Variants in LCORL observed in about 807,000 individuals in gnomAD.
The protein encoded by LCORL is ligand dependent nuclear receptor corepressor like, also known as ligand-dependent nuclear receptor corepressor-like protein.
Under a neutral mutation model 141.8 loss-of-function variants are expected in LCORL, and 41 were observed. The ratio of observed to expected loss-of-function variants is 0.29; its 90% CI spans 0.23 to 0.38. LCORL has a LOEUF of 0.38. Ranked by LOEUF, LCORL falls within the 10% of genes least tolerant of loss-of-function variation. The probability of loss-of-function intolerance (pLI) is 1.00; values close to 1 mark genes in which losing one functional copy is unlikely to be tolerated. For missense variants in LCORL, 1,759 were observed against 2,035.0 expected, an observed-to-expected ratio of 0.86 and a Z score of 2.61; for synonymous variants, 618 against 694.1, an observed-to-expected ratio of 0.89 and a Z score of 1.72.
At chr4:17,890,913 C>A (rs1409298626) in intron 5 of LCORL, among the ~76,000 whole-genome samples, 1 of 152,036 alleles carries the variant, frequency 6.6e-6, no homozygotes, top group African/African-American at 2.4e-5. Flanking sequence ...GATACAGGAT[C>A]TATTCAAAAA....
At chr4:18,005,974 G>C (rs1275317509) in intron 1 of LCORL, among the ~76,000 whole-genome samples, 1 of 152,296 alleles carries the variant, frequency 6.6e-6, no homozygotes, top group East Asian at 1.9e-4. Flanking sequence ...GTGGGCTTGA[G>C]TTTCACCTCA....
chr4:18,002,295 A>T (rs111736026), intron 1 of LCORL, among the ~76,000 whole-genome samples: 6,279 of 152,264 alleles, frequency 0.041, 187 homozygotes, highest in Non-Finnish European at 0.06. Flanking sequence ...GTAAACTGTC[A>T]GATACATCCA....
intron 4 of LCORL, among the ~76,000 whole-genome samples, chr4:17,949,118 T>A (rs557606664): frequency 6.6e-6 from 1 of 152,086 alleles, no homozygotes; most frequent in Non-Finnish European, 1.5e-5. Flanking sequence ...ATAAAAAGCA[T>A]ACACACTTCA....
intron 1 of LCORL, among the ~76,000 whole-genome samples, chr4:18,005,918 T>C (rs1454039669): frequency 2.6e-5 from 4 of 152,194 alleles, no homozygotes; most frequent in Admixed American, 6.5e-5. Flanking sequence ...CCCCACAGTC[T>C]TGGGGATTAA....
chr4:17,918,508 A>G (rs142777658), intron 4 of LCORL, among the ~76,000 whole-genome samples: 316 of 152,328 alleles, frequency 2.1e-3, no homozygotes, highest in African/African-American at 7.1e-3. Flanking sequence ...GCAATTATAT[A>G]AAGTTATAAT....
chr4:17,924,370 T>C (rs1734783780), intron 4 of LCORL, among the ~76,000 whole-genome samples: 1 of 152,054 alleles, frequency 6.6e-6, no homozygotes. Context: ...TACACATGGG[T>C]TTAGCAACAT....
chr4:17,984,562 A>G (rs2109742309), intron 1 of LCORL, among the ~76,000 whole-genome samples: 1 of 151,920 alleles, frequency 6.6e-6, no homozygotes, highest in East Asian at 1.9e-4. Context: ...ATGAATAGGG[A>G]TGTTTGTAGT....
chr4:17,943,711 T>A (rs887153818), intron 4 of LCORL, among the ~76,000 whole-genome samples: 1 of 152,190 alleles, frequency 6.6e-6, no homozygotes, highest in African/African-American at 2.4e-5. Flanking sequence ...ATGGTCTCAA[T>A]AGCCCATGTA....
chr4:17,886,664 G>A (rs184449922), intron 5 of LCORL, among the ~76,000 whole-genome samples: 27 of 152,140 alleles, frequency 1.8e-4, no homozygotes, highest in African/African-American at 5.3e-4. Context: ...AGAACTCATA[G>A]TGTAAAATTT....
In LCORL at chr4:17,868,196, C is replaced by A. The variant is rs140759373; in HGVS notation, c.5602+5192G>T. On this transcript the variant is annotated intron_variant, in intron 7 of 7. Transcript: ENST00000635767. ...TTCTGGTAGTTGAAGGAGTATATTA[C>A]TTAGTTAAAAATCAGCCATCAGTTA... 7.2e-3 allele frequency among the ~76,000 whole-genome samples: 1,096 copies of A among 152,230 alleles called. 19 individuals carry two copies. The highest frequency in any genetic ancestry group is 0.025 in the African/African-American group (1,057 of 41,554).
chr4:17,846,368 AAAC>A (rs1722936718), intron 7 of LCORL, among the ~76,000 whole-genome samples: 1 of 152,136 alleles, frequency 6.6e-6, no homozygotes, highest in Admixed American at 6.5e-5. Flanking sequence ...TCCTCATAGT[AAAC>A]AATAAAATCA....
chr4:17,997,839 G>A (rs1381186132), intron 1 of LCORL, among the ~76,000 whole-genome samples: 1 of 152,028 alleles, frequency 6.6e-6, no homozygotes, highest in Non-Finnish European at 1.5e-5. Flanking sequence ...TTTCAGAGAA[G>A]ACAAATTCAG....
intron 2 of LCORL, among the ~76,000 whole-genome samples, chr4:17,964,178 A>G (rs1297748681): frequency 6.6e-6 from 1 of 152,118 alleles, no homozygotes; most frequent in East Asian, 1.9e-4. Context: ...ATATCTACAT[A>G]AACTTGGACA....
chr4:17,858,236 T>C (rs1724585315), intron 7 of LCORL, among the ~76,000 whole-genome samples: 1 of 152,066 alleles, frequency 6.6e-6, no homozygotes. Context: ...CTAGATGGTA[T>C]TAATAGCAGA....
At chr4:17,860,337 A>G (rs1189018207) in intron 7 of LCORL, among the ~76,000 whole-genome samples, 1 of 152,198 alleles carries the variant, frequency 6.6e-6, no homozygotes, top group Admixed American at 6.5e-5. Flanking sequence ...AAGCCTCACA[A>G]TCATGGTGAA....
chr4:17,877,646 A>C (rs1220216998), exon 7 of LCORL: 1 of 1,230,362 alleles, frequency 8.1e-7, no homozygotes, highest in East Asian at 3.2e-5. Context: ...CAAATCCTTC[A>C]GTTTCTATAG....
At chr4:17,873,967 C>T (rs746853420) in exon 7 of LCORL, 156 of 1,233,968 alleles carry the variant, frequency 1.3e-4, no homozygotes, top group Non-Finnish European at 1.5e-4. Flanking sequence ...TCAGGCATTA[C>T]TACCCTCTGC....
At chr4:17,907,223 C>T (rs553602681) in intron 5 of LCORL, among the ~76,000 whole-genome samples, 1 of 152,298 alleles carries the variant, frequency 6.6e-6, no homozygotes, top group African/African-American at 2.4e-5. Context: ...AGATCACTAT[C>T]ACGTTACTTC....
chr4:17,987,545 A>G (rs1170747009), intron 1 of LCORL, among the ~76,000 whole-genome samples: 2 of 152,204 alleles, frequency 1.3e-5, no homozygotes, highest in Non-Finnish European at 2.9e-5. Flanking sequence ...TTTCATTTCT[A>G]CTAGGTAAGA....
Sources: allele counts gnomAD v4.1 joint callset (sites outside exome capture counted in the v4.1 genomes callset), GRCh38; gene constraint gnomAD v4.1.1; transcripts MANE v1.5; gene names NCBI Gene and HGNC (gene_info 2026-07-23, HGNC 2026-07-21).